The following BANK1 variants were observed in gnomAD, a reference collection of about 807,000 sequenced individuals.
BANK1 encodes B cell scaffold protein with ankyrin repeats 1, also known as B-cell scaffold protein with ankyrin repeats.
BANK1 carries 95 observed loss-of-function variants against 94.5 expected under a neutral mutation model. That is an observed-to-expected ratio of 1.00 (90% CI 0.85 to 1.19). The LOEUF (loss-of-function observed/expected upper bound fraction) is 1.19, where lower values mean the gene tolerates loss of function less well. Among genes scored for constraint, BANK1 ranks in the 50% most tolerant of loss-of-function variants. The pLI, the probability that BANK1 is intolerant of heterozygous loss-of-function variation, is 0.00. For synonymous variants in BANK1, 334 were observed against 308.4 expected (o/e 1.08, Z -0.87); for missense variants, 987 against 932.2 (o/e 1.06, Z -0.77).
At chr4:101,945,538 A>C (rs545389904) in intron 7 of BANK1, among the ~76,000 whole-genome samples, 2 of 152,126 alleles carry the variant, frequency 1.3e-5, no homozygotes, top group South Asian at 4.1e-4. Flanking sequence ...TTCAAGTAAA[A>C]AATGACTTAG....
intron 7 of BANK1, among the ~76,000 whole-genome samples, chr4:101,939,909 G>A (rs924098857): frequency 6.6e-6 from 1 of 151,688 alleles, no homozygotes; most frequent in Non-Finnish European, 1.5e-5. Context: ...TGGAAACAGA[G>A]CTTCTCTGAC....
chr4:101,982,315 A>G (rs1018616161), intron 7 of BANK1, among the ~76,000 whole-genome samples: 1 of 151,850 alleles, frequency 6.6e-6, no homozygotes, highest in South Asian at 2.1e-4. Context: ...TTAACAACCC[A>G]TATAAATTGG....
At chr4:101,855,001 A>G (rs775725761) in intron 2 of BANK1, 34 bp from the exon 3 acceptor site, 19 of 1,516,284 alleles carry the variant, frequency 1.3e-5, no homozygotes, top group Admixed American at 1.8e-5. Flanking sequence ...GGCTTTAGTT[A>G]TATTATAATC....
chr4:101,799,610 C>T (rs1725282316), intron 1 of BANK1, among the ~76,000 whole-genome samples: 1 of 152,200 alleles, frequency 6.6e-6, no homozygotes, highest in Non-Finnish European at 1.5e-5. Flanking sequence ...CCTGGTGGCT[C>T]ATGCCTGTAA....
At chr4:101,908,707 C>A (rs1189720141) in intron 6 of BANK1, among the ~76,000 whole-genome samples, 2 of 152,020 alleles carry the variant, frequency 1.3e-5, no homozygotes, top group Non-Finnish European at 2.9e-5. Flanking sequence ...AACAAATTTA[C>A]AAGAAAAAAA....
At chr4:101,905,809 G>C (rs554950070) in intron 6 of BANK1, among the ~76,000 whole-genome samples, 1 of 152,278 alleles carries the variant, frequency 6.6e-6, no homozygotes, top group Non-Finnish European at 1.5e-5. Flanking sequence ...GCTCATAACT[G>C]CAGCACTATA....
At chr4:101,912,068 G>C (rs757328240) in intron 6 of BANK1, among the ~76,000 whole-genome samples, 20 of 151,994 alleles carry the variant, frequency 1.3e-4, no homozygotes, top group Non-Finnish European at 2.5e-4. Context: ...CACACACACA[G>C]AGGAGGTAGG....
intron 4 of BANK1, among the ~76,000 whole-genome samples, chr4:101,869,622 A>G (rs1213515199): frequency 6.6e-6 from 1 of 151,910 alleles, no homozygotes; most frequent in Non-Finnish European, 1.5e-5. Flanking sequence ...CTTAATCCTT[A>G]AAAACTTTTA....
At chr4:101,936,787 T>A (rs2148908333) in intron 7 of BANK1, among the ~76,000 whole-genome samples, 1 of 151,580 alleles carries the variant, frequency 6.6e-6, no homozygotes, top group South Asian at 2.1e-4. Context: ...AAATGGCATA[T>A]ATCCAAAAGA....
intron 6 of BANK1, among the ~76,000 whole-genome samples, chr4:101,915,153 A>G (rs953320566): frequency 1.3e-5 from 2 of 152,172 alleles, no homozygotes; most frequent in African/African-American, 4.8e-5. Flanking sequence ...TGCATGGAAG[A>G]ATACATTGGA....
chr4:102,052,481 GAAGGA>G (rs535886196), intron 11 of BANK1, among the ~76,000 whole-genome samples: 126 of 151,512 alleles, frequency 8.3e-4, no homozygotes, highest in African/African-American at 2.9e-3. Context: ...CAGAAGAAGG[GAAGGA>G]GAGTTTTTTT....
chr4:101,976,255 C>T (rs1051721991), intron 7 of BANK1, among the ~76,000 whole-genome samples: 3 of 152,012 alleles, frequency 2.0e-5, no homozygotes, highest in Admixed American at 6.6e-5. Context: ...CAGGGAAAAT[C>T]GATAGTAATA....
At chr4:101,862,007 A>C (rs911940661) in intron 3 of BANK1, among the ~76,000 whole-genome samples, 3 of 152,098 alleles carry the variant, frequency 2.0e-5, no homozygotes, top group Admixed American at 1.3e-4. Context: ...TGGCCACTGA[A>C]CTTCTACTAC....
chr4:101,893,325 A>C (rs1340689134), intron 5 of BANK1, among the ~76,000 whole-genome samples: 1 of 151,996 alleles, frequency 6.6e-6, no homozygotes, highest in East Asian at 1.9e-4. Context: ...GGAATCCCAG[A>C]AGCTATTTTA....
At chr4:102,040,980 C>T (rs1446650777) in intron 10 of BANK1, among the ~76,000 whole-genome samples, 1 of 152,054 alleles carries the variant, frequency 6.6e-6, no homozygotes, top group Admixed American at 6.6e-5. Context: ...ATCTTCTGTG[C>T]CAAGTTGGCT....
intron 6 of BANK1, among the ~76,000 whole-genome samples, chr4:101,915,509 G>A (rs1722797888): frequency 6.6e-6 from 1 of 152,090 alleles, no homozygotes; most frequent in Non-Finnish European, 1.5e-5. Context: ...TTGAAAGACA[G>A]AGTATCTTGT....
At chr4:101,799,290 C>G (rs942629522) in intron 1 of BANK1, among the ~76,000 whole-genome samples, 2 of 152,094 alleles carry the variant, frequency 1.3e-5, no homozygotes, top group Non-Finnish European at 2.9e-5. Context: ...GGTATTATTT[C>G]TGAGGGCTCT....
At chr4:101,884,971 C>T (rs552069950) in intron 5 of BANK1, among the ~76,000 whole-genome samples, 33 of 152,212 alleles carry the variant, frequency 2.2e-4, no homozygotes, top group African/African-American at 7.7e-4. Context: ...TGCAGTGGCG[C>T]GATCTGGGTT....
chr4:101,909,773 A>C (rs934252664), intron 6 of BANK1, among the ~76,000 whole-genome samples: 2 of 152,244 alleles, frequency 1.3e-5, no homozygotes, highest in South Asian at 4.1e-4. Context: ...CATTGTACAC[A>C]CTAAATATAT....
Sources: gnomAD v4.1 joint callset for allele counts (sites outside exome capture counted in the v4.1 genomes callset) on GRCh38, gnomAD v4.1.1 for gene constraint, MANE v1.5 for transcripts, NCBI Gene and HGNC (gene_info 2026-07-23, HGNC 2026-07-21) for gene names.